UBE3D: variants seen among roughly 807,000 people sequenced by gnomAD.
UBE3D encodes E3 ubiquitin-protein ligase E3D.
In UBE3D, 48 loss-of-function variants were observed where a neutral mutation model predicts 49.6. That is an observed-to-expected ratio of 0.97 (90% CI 0.77 to 1.23). The LOEUF (loss-of-function observed/expected upper bound fraction) is 1.23. UBE3D is among the 50% of genes most tolerant of loss of function. UBE3D has a pLI of 0.00. For synonymous variants in UBE3D, 189 were observed against 174.2 expected, an observed-to-expected ratio of 1.08 and a Z score of -0.67; for missense variants, 452 against 468.4, an observed-to-expected ratio of 0.96 and a Z score of 0.32.
intron 8 of UBE3D, chr6:83,017,190 C>T (rs951389541): frequency 6.6e-6 from 1 of 152,078 alleles, no homozygotes; most frequent in East Asian, 1.9e-4. Context: ...CATTGTCATG[C>T]CACAAACTTT....
intron 8 of UBE3D, chr6:83,017,338 G>T (rs1780764400): frequency 6.6e-6 from 1 of 151,818 alleles, no homozygotes; most frequent in South Asian, 2.1e-4. Flanking sequence ...CAGAAAAGAT[G>T]AATATAAAGG....
At chr6:83,031,821 C>A (rs1055886288) in intron 5 of UBE3D, among the ~76,000 whole-genome samples, 1 of 152,214 alleles carries the variant, frequency 6.6e-6, no homozygotes, top group South Asian at 2.1e-4. Context: ...GCCGCACTAG[C>A]CATGGCTAAA....
intron 9 of UBE3D, among the ~76,000 whole-genome samples, chr6:82,944,826 G>A (rs1775286081): frequency 6.6e-6 from 1 of 152,202 alleles, no homozygotes; most frequent in African/African-American, 2.4e-5. Context: ...TAGCTTGGCA[G>A]TACTCCCTAT....
intron 5 of UBE3D, among the ~76,000 whole-genome samples, chr6:83,027,434 C>CAAAAAAAAAAAA (rs61225462): frequency 0.25 from 8,551 of 34,548 alleles, 2,636 homozygotes; most frequent in Middle Eastern, 0.35. Context: ...GACTCCGTCT[C>CAAAAAAAAAAAA]AAAAAAAAAA....
chr6:82,993,188 G>A (rs1779016872), intron 8 of UBE3D, among the ~76,000 whole-genome samples: 1 of 151,988 alleles, frequency 6.6e-6, no homozygotes, highest in Non-Finnish European at 1.5e-5. Flanking sequence ...TTATTCAAGT[G>A]TCTTAAAGTA....
At chr6:82,982,575 T>C (rs1249983212) in intron 8 of UBE3D, among the ~76,000 whole-genome samples, 1 of 152,180 alleles carries the variant, frequency 6.6e-6, no homozygotes, top group Non-Finnish European at 1.5e-5. Context: ...CTTTAACATA[T>C]CCCTGTCCCC....
intron 8 of UBE3D, among the ~76,000 whole-genome samples, chr6:82,999,418 T>G (rs186245052): frequency 3.0e-4 from 45 of 152,222 alleles, no homozygotes; most frequent in Admixed American, 2.0e-3. Context: ...ACAGGCTCAC[T>G]CTGTCATCCA....
intron 5 of UBE3D, among the ~76,000 whole-genome samples, chr6:83,026,010 A>G (rs113211604): frequency 2.0e-5 from 3 of 152,094 alleles, no homozygotes; most frequent in Non-Finnish European, 4.4e-5. Context: ...TGATACTCAT[A>G]ATATCAATAG....
the UBE3D span, among the ~76,000 whole-genome samples, chr6:82,885,006 G>A: frequency 2.6e-5 from 4 of 152,258 alleles, no homozygotes; most frequent in Admixed American, 2.6e-4. Flanking sequence ...GCTTGCAAGA[G>A]AAGATTCTGA....
chr6:82,932,323 C>A (rs1202143753), intron 9 of UBE3D, among the ~76,000 whole-genome samples: 1 of 152,088 alleles, frequency 6.6e-6, no homozygotes, highest in African/African-American at 2.4e-5. Flanking sequence ...TGATACCTAT[C>A]CTTTTTAATG....
intron 8 of UBE3D, among the ~76,000 whole-genome samples, chr6:82,969,014 G>T (rs865845720): frequency 6.6e-6 from 1 of 151,958 alleles, no homozygotes; most frequent in Non-Finnish European, 1.5e-5. Flanking sequence ...TACAATTATC[G>T]CAATTGAAAT....
At chr6:82,964,325 G>A (rs1776756943) in intron 8 of UBE3D, among the ~76,000 whole-genome samples, 1 of 152,136 alleles carries the variant, frequency 6.6e-6, no homozygotes. Context: ...AGGAAACATG[G>A]AGGTCGTTTA....
At chr6:83,012,488 C>T (rs1027439724) in intron 8 of UBE3D, among the ~76,000 whole-genome samples, 2 of 152,202 alleles carry the variant, frequency 1.3e-5, no homozygotes, top group Admixed American at 1.3e-4. Context: ...CCACCATGGG[C>T]ACTTTCTTCA....
intron 9 of UBE3D, among the ~76,000 whole-genome samples, chr6:82,951,257 A>G (rs1472364723): frequency 6.6e-6 from 1 of 152,190 alleles, no homozygotes; most frequent in African/African-American, 2.4e-5. Flanking sequence ...AAAATTAAGA[A>G]TAAACAAAAT....
chr6:82,948,070 CG>C (rs1208326746), intron 9 of UBE3D, among the ~76,000 whole-genome samples: 1 of 151,166 alleles, frequency 6.6e-6, no homozygotes, highest in East Asian at 1.9e-4. Context: ...TATAAAAGAT[CG>C]ATGAAACAAA....
At chr6:82,936,509 T>C (rs7741752) in intron 9 of UBE3D, among the ~76,000 whole-genome samples, 259 of 152,218 alleles carry the variant, frequency 1.7e-3, no homozygotes, top group African/African-American at 5.9e-3. Context: ...GTTTTTTTTT[T>C]AATGAAGAAC....
At chr6:82,953,098 G>A (rs1468694091) in intron 9 of UBE3D, among the ~76,000 whole-genome samples, 1 of 152,200 alleles carries the variant, frequency 6.6e-6, no homozygotes, top group Non-Finnish European at 1.5e-5. Flanking sequence ...ATGGCCTTGT[G>A]CCACCTAACC....
At chr6:82,916,193 G>T (rs1445317363) in intron 9 of UBE3D, among the ~76,000 whole-genome samples, 1 of 152,144 alleles carries the variant, frequency 6.6e-6, no homozygotes, top group Admixed American at 6.5e-5. Context: ...TACAAGGGTT[G>T]CAATTTCACA....
chr6:83,033,839 T>C (rs1432949973), intron 5 of UBE3D, among the ~76,000 whole-genome samples: 2 of 152,176 alleles, frequency 1.3e-5, no homozygotes, highest in Admixed American at 1.3e-4. Context: ...CAAAATATCC[T>C]CCTTAAAATT....
Sources: gnomAD v4.1 joint callset for allele counts (sites outside exome capture counted in the v4.1 genomes callset) on GRCh38, gnomAD v4.1.1 for gene constraint, MANE v1.5 for transcripts, NCBI Gene and HGNC (gene_info 2026-07-23, HGNC 2026-07-21) for gene names.